Variants in HPSE2 observed in about 807,000 individuals in gnomAD.
HPSE2 encodes the protein heparanase 2 (inactive).
HPSE2 carries 38 observed loss-of-function variants against 60.5 expected under a neutral mutation model. That is an observed-to-expected ratio of 0.63 (90% CI 0.48 to 0.82). The LOEUF is 0.82. Ranked by LOEUF, HPSE2 falls within the 40% of genes least tolerant of loss-of-function variation. The pLI is 0.00. For synonymous variants in HPSE2, 295 were observed against 293.2 expected (o/e 1.01, Z -0.06); for missense variants, 713 against 740.4 (o/e 0.96, Z 0.43).
At chr10:99,043,113 C>T (rs994186081) in intron 3 of HPSE2, among the ~76,000 whole-genome samples, 1 of 152,158 alleles carries the variant, frequency 6.6e-6, no homozygotes, top group Non-Finnish European at 1.5e-5. Context: ...AAAAAATCAG[C>T]GTAAGAACTC....
chr10:99,023,153 A>G (rs918791107), intron 3 of HPSE2, among the ~76,000 whole-genome samples: 1 of 152,086 alleles, frequency 6.6e-6, no homozygotes, highest in Non-Finnish European at 1.5e-5. Flanking sequence ...GGCAGCATTC[A>G]CCACATACTG....
intron 2 of HPSE2, among the ~76,000 whole-genome samples, chr10:99,164,263 ATATATATATATATATATATG>A (rs1846973094): frequency 8.4e-6 from 1 of 119,670 alleles, no homozygotes; most frequent in Non-Finnish European, 1.8e-5. Flanking sequence ...ATATATATAT[ATATATATATATATATATATG>A]AACTTATGAA....
Position 98,591,726 on chromosome 10 carries a change from T to C in HPSE2, c.1320+23178A>G, listed in dbSNP as rs139715259. The stretch of plus-strand genomic sequence containing the variant: ...TCCTGCCTTGTAAAAAGAAATTGAT[T>C]ATTTTCTTTAACCCTTTTTTCTAGA... On this transcript the variant is annotated intron_variant, in intron 9 of 11. Transcript: ENST00000370552. 2.3e-3 allele frequency among the ~76,000 whole-genome samples: 345 copies of C among 152,214 alleles called. 1 individual carries two copies. Among genetic ancestry groups the C allele is most frequent in the African/African-American group, 7.3e-3 (302 of 41,534 alleles).
At chr10:98,716,446 T>A (rs969710422) in intron 5 of HPSE2, among the ~76,000 whole-genome samples, 10 of 145,002 alleles carry the variant, frequency 6.9e-5, no homozygotes, top group African/African-American at 2.4e-4. Flanking sequence ...TAATAAAAAA[T>A]AAATAAATAA....
At chr10:99,285,557 G>A in the HPSE2 span, among the ~76,000 whole-genome samples, 1 of 147,634 alleles carries the variant, frequency 6.8e-6, no homozygotes, top group African/African-American at 2.5e-5. Flanking sequence ...AGGAGGGAGG[G>A]GAAGGGAAAG....
chr10:98,901,882 G>A (rs753635784), intron 3 of HPSE2, among the ~76,000 whole-genome samples: 11 of 152,162 alleles, frequency 7.2e-5, no homozygotes, highest in Non-Finnish European at 1.3e-4. Context: ...ATGTAAAGCA[G>A]TTAACATAAC....
chr10:99,223,240 T>C (rs1849369175), intron 2 of HPSE2, among the ~76,000 whole-genome samples: 1 of 152,136 alleles, frequency 6.6e-6, no homozygotes, highest in Non-Finnish European at 1.5e-5. Flanking sequence ...ACTTTCCTCA[T>C]AGGGTTGATG....
intron 3 of HPSE2, among the ~76,000 whole-genome samples, chr10:98,830,696 A>G (rs1053581962): frequency 6.6e-6 from 1 of 152,224 alleles, no homozygotes; most frequent in Non-Finnish European, 1.5e-5. Context: ...AAGAGTAAAC[A>G]GCCATCTTGT....
chr10:98,672,374 T>A lies in HPSE2; in HGVS notation c.1004+21526A>T, dbSNP rs563587414. ...ATGCAACTCTAGACAATAACGAAAT[T>A]ACATCTTACACAAGCTCAAAACCCT... On this transcript the variant is annotated intron_variant, in intron 6 of 11. Coordinates refer to ENST00000370552, the MANE Select transcript of HPSE2 (RefSeq NM_021828.5). Among the ~76,000 whole-genome samples, 3 of 152,330 alleles carry A rather than the reference T, an allele frequency of 2.0e-5. No individual in the cohort carries two copies. The South Asian group carries it at 6.2e-4, about 32-fold the overall frequency.
chr10:99,314,711 T>A, the HPSE2 span, among the ~76,000 whole-genome samples: 3 of 152,212 alleles, frequency 2.0e-5, no homozygotes, highest in Non-Finnish European at 4.4e-5. Flanking sequence ...TTAGTCAATG[T>A]ACAAAATAAA....
At chr10:99,120,011 T>C (rs1844882937) in intron 3 of HPSE2, among the ~76,000 whole-genome samples, 1 of 151,998 alleles carries the variant, frequency 6.6e-6, no homozygotes, top group African/African-American at 2.4e-5. Flanking sequence ...ACCTAGGCAG[T>C]ACCATCCTGG....
chr10:99,231,171 GC>G (rs1849632702), intron 2 of HPSE2, among the ~76,000 whole-genome samples: 1 of 152,002 alleles, frequency 6.6e-6, no homozygotes, highest in Non-Finnish European at 1.5e-5. Flanking sequence ...ATGTTCCTCT[GC>G]CACCCTTGAA....
At chr10:98,698,556 C>T (rs1948301311) in intron 5 of HPSE2, among the ~76,000 whole-genome samples, 1 of 152,020 alleles carries the variant, frequency 6.6e-6, no homozygotes, top group African/African-American at 2.4e-5. Context: ...CCAAAATTGA[C>T]ACCCTAACAT....
At chr10:99,081,413 C>T (rs1234007425) in intron 3 of HPSE2, among the ~76,000 whole-genome samples, 1 of 152,108 alleles carries the variant, frequency 6.6e-6, no homozygotes, top group Non-Finnish European at 1.5e-5. Context: ...AACTCACAAA[C>T]TCTCTAAGTC....
At chr10:98,907,894 T>G (rs1953867989) in intron 3 of HPSE2, among the ~76,000 whole-genome samples, 1 of 152,200 alleles carries the variant, frequency 6.6e-6, no homozygotes, top group Non-Finnish European at 1.5e-5. Context: ...CCCAAAACCA[T>G]TTAGTATATA....
chr10:99,106,868 A>G (rs1389095824), intron 3 of HPSE2, among the ~76,000 whole-genome samples: 2 of 151,834 alleles, frequency 1.3e-5, no homozygotes, highest in Non-Finnish European at 2.9e-5. Context: ...CTGACTCTTA[A>G]GTTTGTTTTT....
intron 3 of HPSE2, among the ~76,000 whole-genome samples, chr10:99,046,083 G>T (rs1396357911): frequency 6.6e-6 from 1 of 151,864 alleles, no homozygotes; most frequent in African/African-American, 2.4e-5. Context: ...AATCCTCAAT[G>T]ACATACTAAC....
At chr10:99,306,298 C>T in the HPSE2 span, among the ~76,000 whole-genome samples, 5 of 152,076 alleles carry the variant, frequency 3.3e-5, no homozygotes, top group Non-Finnish European at 7.4e-5. Flanking sequence ...ACCCTCTTGA[C>T]CCATATCTGG....
intron 3 of HPSE2, among the ~76,000 whole-genome samples, chr10:99,115,327 G>T: frequency 6.6e-6 from 1 of 151,844 alleles, no homozygotes; most frequent in Non-Finnish European, 1.5e-5. Flanking sequence ...CTAATTTTTT[G>T]GTATTTTTAG....
Sources: gnomAD v4.1 joint callset for allele counts (sites outside exome capture counted in the v4.1 genomes callset) on GRCh38, gnomAD v4.1.1 for gene constraint, MANE v1.5 for transcripts, NCBI Gene and HGNC (gene_info 2026-07-23, HGNC 2026-07-21) for gene names.